Variants in FBN3 observed in about 807,000 individuals in gnomAD.
The protein encoded by FBN3 is fibrillin 3, also known as fibrillin-3.
FBN3 carries 234 observed loss-of-function variants against 330.1 expected under a neutral mutation model. The ratio of observed to expected loss-of-function variants is 0.71; its 90% confidence interval spans 0.64 to 0.79. FBN3 has a LOEUF of 0.79. Ranked by LOEUF, FBN3 falls within the 30% of genes least tolerant of loss-of-function variation. The pLI is 0.00. For missense variants in FBN3, 3,606 were observed against 3,886.9 expected (o/e 0.93, Z 1.92); for synonymous variants, 1,458 against 1,517.3 (o/e 0.96, Z 0.91).
intron 59 of FBN3, among the ~76,000 whole-genome samples, chr19:8,077,174 T>G (rs2081661030): frequency 6.6e-6 from 1 of 152,180 alleles, no homozygotes; most frequent in Non-Finnish European, 1.5e-5. Flanking sequence ...AGGAGGGCAT[T>G]GGTACAATGG....
At chr19:8,142,513 C>T (rs1375615795) in intron 6 of FBN3, among the ~76,000 whole-genome samples, 1 of 152,096 alleles carries the variant, frequency 6.6e-6, no homozygotes, top group African/African-American at 2.4e-5. Context: ...CTTGAGCACA[C>T]GCCTGGCCCT....
chr19:8,145,018 G>C (rs1362233440), intron 5 of FBN3, 46 bp from the exon 6 acceptor site: 1 of 1,491,190 alleles, frequency 6.7e-7, no homozygotes, highest in Non-Finnish European at 9.2e-7. Flanking sequence ...CAGCAGCAGA[G>C]AGAGCTGGGG....
rs564282696 is a variant in FBN3, at chr19:8,095,465, G to T, written c.5695C>A (p.Arg1899=). ...GCTGTGTTGAGGCAATGGCCAAATC[G>T]GCACACCTGCCCCACCAGGGTAGTA... ...ECTTLVGQVC[R]FGHCLNTAGS... Residue 1899 remains arginine (R), a synonymous_variant, in exon 46 of 64, where the codon CGA becomes AGA. Transcript: ENST00000600128. 1.2e-6 allele frequency: 2 copies of T among 1,613,554 alleles called. No individual in the cohort carries two copies. Among genetic ancestry groups the T allele is most frequent in the Non-Finnish European group, 1.7e-6 (2 of 1,179,698 alleles).
Position 8,116,779 on chromosome 19 carries a change from TCTC to T in FBN3, c.3604_3606del (p.Glu1202del), listed in dbSNP as rs1339962408. 1 of 1,614,012 alleles carries T rather than the reference TCTC, an allele frequency of 6.2e-7. No homozygotes were observed. The highest frequency in any genetic ancestry group is 8.5e-7 in the Non-Finnish European group (1 of 1,179,966). Reference sequence around the variant, plus strand: ...TGGCCTTGGTCACAAACGCGGGGGTTCTCTTCACACTCGTCCACGTCTGGGGGA... The same window carrying T: ...TGGCCTTGGTCACAAACGCGGGGGTTTTCACACTCGTCCACGTCTGGGGGA... On this transcript the variant is annotated inframe_deletion, in exon 29 of 64. Coordinates refer to ENST00000600128, the MANE Select transcript of FBN3 (RefSeq NM_032447.5).
intron 18 of FBN3, among the ~76,000 whole-genome samples, chr19:8,128,318 C>G (rs1378377091): frequency 6.6e-6 from 1 of 152,076 alleles, no homozygotes; most frequent in African/African-American, 2.4e-5. Flanking sequence ...AATCCCAGCA[C>G]TTTGGGAGGC....
intron 13 of FBN3, 146 bp from the exon 14 acceptor site, chr19:8,133,252 G>A: frequency 9.4e-7 from 1 of 1,065,674 alleles, no homozygotes; most frequent in Non-Finnish European, 1.3e-6. Context: ...GACTGTGTGA[G>A]CTTGTATATT....
intron 30 of FBN3, among the ~76,000 whole-genome samples, chr19:8,113,152 G>A (rs2082628272): frequency 6.6e-6 from 1 of 152,250 alleles, no homozygotes; most frequent in Non-Finnish European, 1.5e-5. Context: ...GTAGCCAGAT[G>A]CAATGGCTTA....
At chr19:8,132,095 GA>G (rs756194697) in intron 14 of FBN3, among the ~76,000 whole-genome samples, 4 of 152,090 alleles carry the variant, frequency 2.6e-5, no homozygotes, top group Non-Finnish European at 4.4e-5. Context: ...TTCCAGACTG[GA>G]GTGCAGTGGC....
At chr19:8,081,739 T>C (rs998523248) in intron 57 of FBN3, among the ~76,000 whole-genome samples, 13 of 152,214 alleles carry the variant, frequency 8.5e-5, no homozygotes, top group African/African-American at 2.9e-4. Flanking sequence ...TGCATGGCTG[T>C]GTGCTAATAA....
At chr19:8,094,388 G>T in intron 47 of FBN3, 58 bp downstream of exon 47, 1 of 1,555,960 alleles carries the variant, frequency 6.4e-7, no homozygotes. Context: ...CCATTTTATG[G>T]ATGGAGAAAG....
At chr19:8,092,236 A>G (rs2082113162) in intron 47 of FBN3, among the ~76,000 whole-genome samples, 1 of 152,024 alleles carries the variant, frequency 6.6e-6, no homozygotes, top group Admixed American at 6.6e-5. Flanking sequence ...CAATCCTACT[A>G]CTGGGTATCT....
chr19:8,132,883 G>T, intron 14 of FBN3, 101 bp downstream of exon 14: 12 of 1,289,514 alleles, frequency 9.3e-6, no homozygotes, highest in South Asian at 3.3e-5. Flanking sequence ...CTTCTCTCAT[G>T]CTCGTCCCAT....
intron 38 of FBN3, 60 bp from the exon 39 acceptor site, chr19:8,103,747 A>C: frequency 6.4e-7 from 1 of 1,561,958 alleles, no homozygotes; most frequent in South Asian, 1.2e-5. Context: ...TGTCTGAATA[A>C]CTCCACTCCA....
At position 8,081,673 on chromosome 19, in the gene FBN3, T is replaced by C. The variant is rs73005543; in HGVS notation, c.7214-193A>G. On this transcript the variant is annotated intron_variant, in intron 57 of 63. Transcript: ENST00000600128. ...CAGGCCACACCATCTCAGATACAAC[T>C]ACTCCATGTGGCCTTTGTACTAGCA... Among the ~76,000 whole-genome samples, 932 of 152,288 alleles carry C rather than the reference T, an allele frequency of 6.1e-3. 8 individuals are homozygous for C. Among genetic ancestry groups the C allele is most frequent in the Middle Eastern group, 0.02 (6 of 294 alleles).
Position 8,085,453 on chromosome 19 carries a change from C to T in FBN3, c.6997G>A (p.Gly2333Arg). 4 of 1,576,716 alleles carry T rather than the reference C, an allele frequency of 2.5e-6. No individual in the cohort carries two copies. Among genetic ancestry groups the T allele is most frequent in the Non-Finnish European group, 3.4e-6 (4 of 1,162,734 alleles). ...AGGGGACAGAGCTCGCAGCGGGGCC[C>T]CCAGCCCCGGCCACCCCCACAGCAG... ...ECCCGGGRGW[G>R]PRCELCPLPG... Residue 2333 changes from glycine (G) to arginine (R), a missense_variant, in exon 56 of 64, where the codon GGG becomes AGG. Transcript: ENST00000600128.
intron 38 of FBN3, among the ~76,000 whole-genome samples, chr19:8,104,309 A>C (rs1476724086): frequency 6.6e-6 from 1 of 150,948 alleles, no homozygotes; most frequent in Non-Finnish European, 1.5e-5. Context: ...CCATCTCTAC[A>C]AAAAATGAAA....
intron 40 of FBN3, among the ~76,000 whole-genome samples, chr19:8,102,271 G>A (rs190466280): frequency 3.4e-4 from 51 of 151,556 alleles, no homozygotes; most frequent in Non-Finnish European, 6.3e-4. Context: ...CTGGAGCGCA[G>A]TGGCATGATC....
In FBN3 at chr19:8,144,954, C is replaced by A. The variant is rs1420612896; in HGVS notation, c.464G>T (p.Cys155Phe). ...VCGQPICDRG[C>F]HNGGRCIGPN... ...CCCAATGCAGCGACCCCCATTGTGG[C>A]AGCCGCGGTCACAGATGGCTGTGGA... is the stretch of plus-strand genomic sequence containing the variant. The change falls in exon 6 of 64, where the codon TGC (cysteine) becomes TTC (phenylalanine). Residue 155 changes from cysteine to phenylalanine, a missense_variant. Cys to Phe is a radical substitution (Grantham distance 205). Transcript: ENST00000600128. 3.1e-6 allele frequency: 5 copies of A among 1,610,838 alleles called. No individual in the cohort carries two copies. The highest frequency in any genetic ancestry group is 3.4e-5 in the Admixed American group (2 of 59,562).
Position 8,121,244 on chromosome 19 carries a change from C to T in FBN3, c.3211+14G>A, listed in dbSNP as rs956648071. The T allele has an allele frequency of 1.3e-5, 21 of 1,583,098 alleles. No individual in the cohort carries two copies. The highest frequency in any genetic ancestry group is 6.9e-5 in the Admixed American group (4 of 57,614). ...CCAGGGCGCCCACCACACCCCTGCCCGGCAGTCACCGACCCATGCAGTTCT... is the reference window on the plus strand; with the variant it reads ...CCAGGGCGCCCACCACACCCCTGCCTGGCAGTCACCGACCCATGCAGTTCT... On this transcript the variant is annotated intron_variant, in intron 25 of 63. Transcript: ENST00000600128. The surrounding 1 kb of genome is among the most constrained non-coding windows in gnomAD (Gnocchi z 4.5).
Sources: allele counts gnomAD v4.1 joint callset (sites outside exome capture counted in the v4.1 genomes callset), GRCh38; gene constraint gnomAD v4.1.1; non-coding constraint Gnocchi (gnomAD v3.1); transcripts MANE v1.5; gene names NCBI Gene and HGNC (gene_info 2026-07-23, HGNC 2026-07-21).